The following TULP4 variants were observed in gnomAD, a reference collection of about 807,000 sequenced individuals.
The protein encoded by TULP4 is TUB like protein 4, also known as tubby-related protein 4.
TULP4 carries 16 observed loss-of-function variants against 129.0 expected under a neutral mutation model. That is an observed-to-expected ratio of 0.12 (90% CI 0.08 to 0.19). The LOEUF (loss-of-function observed/expected upper bound fraction) is 0.19, where lower values mean the gene tolerates loss of function less well. Among genes scored for constraint, TULP4 ranks in the 10% least tolerant of loss-of-function variants. TULP4 has a pLI of 1.00. For synonymous variants in TULP4, 998 were observed against 854.0 expected, an observed-to-expected ratio of 1.17 and a Z score of -2.94; for missense variants, 1,842 against 2,059.1, an observed-to-expected ratio of 0.89 and a Z score of 2.04.
At chr6:158,257,904 GC>G (rs1294735855) in intron 1 of TULP4, among the ~76,000 whole-genome samples, 3 of 152,236 alleles carry the variant, frequency 2.0e-5, no homozygotes, top group Admixed American at 2.0e-4. Flanking sequence ...CCAGAAAGTT[GC>G]TGTGGAGCGC....
chr6:158,444,429 G>T (rs1233613718), intron 3 of TULP4, among the ~76,000 whole-genome samples: 8 of 151,676 alleles, frequency 5.3e-5, no homozygotes, highest in African/African-American at 1.9e-4. Context: ...TATTCCCCCA[G>T]CCTTCAGTCA....
intron 1 of TULP4, among the ~76,000 whole-genome samples, chr6:158,305,964 T>A (rs1418381423): frequency 6.6e-6 from 1 of 152,210 alleles, no homozygotes; most frequent in Non-Finnish European, 1.5e-5. Flanking sequence ...GGAAGTGAAA[T>A]GCCCAACACC....
chr6:158,290,542 TTTTCTC>T (rs75864938), intron 1 of TULP4, among the ~76,000 whole-genome samples: 10,162 of 152,184 alleles, frequency 0.067, 405 homozygotes, highest in Middle Eastern at 0.092. Flanking sequence ...TTTGTATTGT[TTTTCTC>T]TTTCTAGGGG....
At chr6:158,253,681 T>C (rs1485580664) in intron 1 of TULP4, among the ~76,000 whole-genome samples, 2 of 152,072 alleles carry the variant, frequency 1.3e-5, no homozygotes, top group Non-Finnish European at 2.9e-5. Flanking sequence ...TAAAACACTT[T>C]TTTTGATTTT....
At chr6:158,420,776 G>A (rs1033798591) in intron 2 of TULP4, among the ~76,000 whole-genome samples, 7 of 150,012 alleles carry the variant, frequency 4.7e-5, no homozygotes, top group East Asian at 1.9e-4. Context: ...GAGCCACCTC[G>A]CCCGGCCTAT....
chr6:158,448,316 C>G (rs341135), intron 3 of TULP4, among the ~76,000 whole-genome samples: 1 of 151,944 alleles, frequency 6.6e-6, no homozygotes, highest in Non-Finnish European at 1.5e-5. Context: ...GCAAAACTAG[C>G]GCCTAACTCA....
intron 1 of TULP4, among the ~76,000 whole-genome samples, chr6:158,338,296 T>C (rs940238437): frequency 1.3e-5 from 2 of 152,216 alleles, no homozygotes; most frequent in Non-Finnish European, 2.9e-5. Flanking sequence ...GCTGGAATTA[T>C]AGATGTGAGC....
At chr6:158,233,252 C>T (rs905628119) in intron 1 of TULP4, among the ~76,000 whole-genome samples, 4 of 152,224 alleles carry the variant, frequency 2.6e-5, no homozygotes, top group Non-Finnish European at 5.9e-5. Flanking sequence ...GGATAATCAG[C>T]TCCCCTCGCC....
intron 6 of TULP4, among the ~76,000 whole-genome samples, chr6:158,472,073 A>G (rs1779695803): frequency 6.6e-6 from 1 of 152,204 alleles, no homozygotes; most frequent in African/African-American, 2.4e-5. Context: ...GATCCTCCTC[A>G]GTGCCAGCTC....
At chr6:158,498,844 G>T in intron 12 of TULP4, 32 bp downstream of exon 12, 1 of 1,610,844 alleles carries the variant, frequency 6.2e-7, no homozygotes, top group Non-Finnish European at 8.5e-7. Context: ...TGTTTGTCAC[G>T]GTCCCTCTGT....
At chr6:158,291,677 T>C (rs1778944313) in intron 1 of TULP4, among the ~76,000 whole-genome samples, 2 of 152,196 alleles carry the variant, frequency 1.3e-5, no homozygotes, top group African/African-American at 2.4e-5. Context: ...AGATTTGTCC[T>C]TTTTTAATCT....
At chr6:158,243,459 A>G (rs1317720617) in intron 1 of TULP4, among the ~76,000 whole-genome samples, 1 of 150,302 alleles carries the variant, frequency 6.7e-6, no homozygotes, top group East Asian at 2.0e-4. Context: ...TATCATATAT[A>G]TATATATGAT....
intron 1 of TULP4, among the ~76,000 whole-genome samples, chr6:158,336,226 T>A (rs2153808): frequency 0.86 from 131,065 of 152,224 alleles, 56,861 homozygotes; most frequent in South Asian, 0.93. Context: ...AGGGCCATTT[T>A]AAAAATCTTG....
At chr6:158,455,736 CAAA>C (rs71030174) in intron 5 of TULP4, among the ~76,000 whole-genome samples, 6 of 141,352 alleles carry the variant, frequency 4.2e-5, no homozygotes, top group Admixed American at 7.1e-5. Flanking sequence ...GACTCCGTCT[CAAA>C]AAAAAAAAAA....
At chr6:158,444,246 A>ATT (rs1554291963) in intron 3 of TULP4, among the ~76,000 whole-genome samples, 11 of 86,746 alleles carry the variant, frequency 1.3e-4, no homozygotes, top group South Asian at 4.0e-4. Context: ...AAAAAAAAAA[A>ATT]TTTTTTTTTT....
chr6:158,474,302 C>T (rs1779762447), intron 6 of TULP4, among the ~76,000 whole-genome samples: 2 of 152,220 alleles, frequency 1.3e-5, no homozygotes, highest in Non-Finnish European at 2.9e-5. Context: ...GAATCTGCCT[C>T]CTCGGTGGCC....
At chr6:158,375,701 T>C (rs1287792840) in intron 1 of TULP4, among the ~76,000 whole-genome samples, 1 of 152,234 alleles carries the variant, frequency 6.6e-6, no homozygotes, top group Non-Finnish European at 1.5e-5. Context: ...AAATGCACGC[T>C]GCTTAGTTTC....
Position 158,503,710 on chromosome 6 carries a change from C to T in TULP4, c.4047C>T (p.Ser1349=), listed in dbSNP as rs149490168. The T allele has an allele frequency of 1.7e-4, 267 of 1,613,938 alleles. 3 individuals carry two copies. The African/African-American group carries it at 3.0e-3, about 18-fold the overall frequency. The change falls in exon 13 of 14, where the codon AGC becomes AGT. Residue 1349 remains serine, a synonymous_variant. Coordinates refer to ENST00000367097, the MANE Select transcript of TULP4 (RefSeq NM_020245.5). The surrounding 1 kb of genome is among the most constrained non-coding windows in gnomAD (Gnocchi z 4.3). ...KRLDSRAEEG[S]VQAITEGKVK... ...TGGACAGCCGAGCAGAAGAAGGCAG[C>T]GTTCAGGCCATCACTGAGGGCAAAG...
upstream of TULP4, chr6:158,282,133 GA>G (rs1778765866): frequency 6.6e-6 from 1 of 151,944 alleles, no homozygotes; most frequent in African/African-American, 2.4e-5. Context: ...ATTCTTCTCG[GA>G]AAGAGTCATG....
Sources: allele counts gnomAD v4.1 joint callset (sites outside exome capture counted in the v4.1 genomes callset), GRCh38; gene constraint gnomAD v4.1.1; non-coding constraint Gnocchi (gnomAD v3.1); transcripts MANE v1.5; gene names NCBI Gene and HGNC (gene_info 2026-07-23, HGNC 2026-07-21).